The following SPRED1 variants were observed in gnomAD, a reference collection of about 807,000 sequenced individuals.
SPRED1 encodes sprouty-related, EVH1 domain-containing protein 1.
Under a neutral mutation model 52.3 loss-of-function variants are expected in SPRED1, and 18 were observed. That is an observed-to-expected ratio of 0.34 (90% CI 0.24 to 0.51). SPRED1 has a LOEUF of 0.51. Among genes scored for constraint, SPRED1 ranks in the 20% least tolerant of loss-of-function variants. The pLI is 0.97. For synonymous variants in SPRED1, 155 were observed against 179.7 expected, an observed-to-expected ratio of 0.86 and a Z score of 1.10; for missense variants, 485 against 551.0, an observed-to-expected ratio of 0.88 and a Z score of 1.20.
At chr15:38,291,473 G>A (rs547599093) in intron 1 of SPRED1, among the ~76,000 whole-genome samples, 1 of 152,344 alleles carries the variant, frequency 6.6e-6, no homozygotes, top group East Asian at 1.9e-4. Flanking sequence ...TCGGGGCTCT[G>A]ACCCCACATT....
intron 2 of SPRED1, among the ~76,000 whole-genome samples, chr15:38,300,371 C>A (rs910021468): frequency 5.9e-5 from 9 of 152,098 alleles, no homozygotes; most frequent in African/African-American, 2.2e-4. Flanking sequence ...AAAATAGAGC[C>A]TTGAAAATAA....
At chr15:38,264,758 G>A (rs960110021) in intron 1 of SPRED1, among the ~76,000 whole-genome samples, 11 of 152,108 alleles carry the variant, frequency 7.2e-5, no homozygotes, top group African/African-American at 2.7e-4. Flanking sequence ...TTTGGAATTG[G>A]AGGTTGAAGA....
chr15:38,295,621 TTTTG>T (rs762587763), intron 1 of SPRED1, among the ~76,000 whole-genome samples: 11 of 152,160 alleles, frequency 7.2e-5, no homozygotes, highest in Non-Finnish European at 1.6e-4. Context: ...TGCTTGTTAA[TTTTG>T]TTTTCCTGTT....
intron 1 of SPRED1, among the ~76,000 whole-genome samples, chr15:38,265,826 C>T (rs991146619): frequency 6.6e-6 from 1 of 151,852 alleles, no homozygotes; most frequent in Non-Finnish European, 1.5e-5. Flanking sequence ...AATCTATTTT[C>T]GTGGGAGAGA....
chr15:38,278,826 C>CTTTTTTT (rs1199715229), intron 1 of SPRED1, among the ~76,000 whole-genome samples: 5 of 39,908 alleles, frequency 1.3e-4, no homozygotes, highest in South Asian at 1.2e-3. Flanking sequence ...CCTAACTACA[C>CTTTTTTT]TGTTTTTTTT....
Position 38,266,675 on chromosome 15 carries a change from C to T in SPRED1, c.32+13458C>T, listed in dbSNP as rs894278807. ...ACAAACAAACAAACAAACAAACAAACAGGATATTCTTCAACTTTGTATTAT... is the reference window on the plus strand; with the variant it reads ...ACAAACAAACAAACAAACAAACAAATAGGATATTCTTCAACTTTGTATTAT... On this transcript the variant is annotated intron_variant, in intron 1 of 6. Coordinates refer to ENST00000299084, the MANE Select transcript of SPRED1 (RefSeq NM_152594.3). Among the ~76,000 whole-genome samples the T allele has an allele frequency of 8.2e-4, 124 of 151,174 alleles. 1 individual carries two copies. The highest frequency in any genetic ancestry group is 1.6e-3 in the Admixed American group (25 of 15,198).
chr15:38,346,403 TCTTA>T (rs1896137030), intron 5 of SPRED1, among the ~76,000 whole-genome samples: 1 of 152,182 alleles, frequency 6.6e-6, no homozygotes, highest in Admixed American at 6.5e-5. Context: ...ACTCAGTTTC[TCTTA>T]CTTTCACGGG....
At chr15:38,263,582 G>A (rs989264168) in intron 1 of SPRED1, among the ~76,000 whole-genome samples, 2 of 152,186 alleles carry the variant, frequency 1.3e-5, no homozygotes, top group Non-Finnish European at 2.9e-5. Flanking sequence ...AAGGGAAAAA[G>A]GAGTATTGAG....
chr15:38,344,299 G>A (rs1249347759), intron 5 of SPRED1, among the ~76,000 whole-genome samples: 1 of 152,160 alleles, frequency 6.6e-6, no homozygotes, highest in African/African-American at 2.4e-5. Flanking sequence ...GTAACACAGG[G>A]ATGTTATGAT....
intron 1 of SPRED1, among the ~76,000 whole-genome samples, chr15:38,280,726 C>T (rs1894669458): frequency 6.6e-6 from 1 of 152,104 alleles, no homozygotes; most frequent in Non-Finnish European, 1.5e-5. Context: ...TTTGCCAAAC[C>T]ACAATTTAGA....
chr15:38,309,792 A>T (rs1333505754), intron 2 of SPRED1, among the ~76,000 whole-genome samples: 4 of 152,188 alleles, frequency 2.6e-5, no homozygotes, highest in Admixed American at 2.0e-4. Context: ...TGATACTTAG[A>T]TCAAGGGGTT....
intron 1 of SPRED1, among the ~76,000 whole-genome samples, chr15:38,291,356 C>T (rs1894919104): frequency 6.6e-6 from 1 of 152,170 alleles, no homozygotes; most frequent in Admixed American, 6.5e-5. Context: ...TGTGGCTTTT[C>T]CAGACACATG....
intron 4 of SPRED1, among the ~76,000 whole-genome samples, chr15:38,333,088 A>G (rs1417075538): frequency 6.6e-6 from 1 of 152,174 alleles, no homozygotes; most frequent in Non-Finnish European, 1.5e-5. Flanking sequence ...TCCACATATG[A>G]ATTTTGTGGG....
intron 4 of SPRED1, among the ~76,000 whole-genome samples, chr15:38,337,562 CAATTT>C (rs1352247748): frequency 6.6e-6 from 1 of 151,864 alleles, no homozygotes; most frequent in Non-Finnish European, 1.5e-5. Context: ...ATATTACACA[CAATTT>C]AATAATGAAG....
rs1888610185 is a variant in SPRED1 at position 38,355,977 on chromosome 15, T to G, written c.*4313T>G. Reference sequence around the variant, plus strand: ...AGGTACTGTTTGCCTAGCAGCCAGGTGGTTATAAAAGATTCATATGCTTTG... The same window carrying G: ...AGGTACTGTTTGCCTAGCAGCCAGGGGGTTATAAAAGATTCATATGCTTTG... On this transcript the variant is annotated 3_prime_UTR_variant, in exon 7 of 7. Transcript: ENST00000299084. 6.6e-6 allele frequency: 1 copy of G among 152,150 alleles called. No individual in the cohort carries two copies. Among genetic ancestry groups the G allele is most frequent in the Admixed American group, 6.6e-5 (1 of 15,266 alleles). 9.4% of individuals were successfully genotyped at this position (152,150 alleles called of 1,614,324 possible).
rs772560499 is a variant in SPRED1, at chr15:38,351,711, T to C, written c.*47T>C. On this transcript the variant is annotated 3_prime_UTR_variant, in exon 7 of 7. Transcript: ENST00000299084. ...GCTTAAAATCTTTGTTTCCAGGAAT[T>C]AGCTAACTTGGATTTGTGGAAGCTT... The C allele has an allele frequency of 2.5e-6, 4 of 1,599,446 alleles. No homozygotes were observed. The East Asian group carries it at 6.7e-5, about 27-fold the overall frequency.
rs1429162267 is a variant in SPRED1 at position 38,253,194 on chromosome 15, G to A, written c.9G>A (p.Glu3=). MS[E]ETATSDNDNS... ...ATCACGGTGAGGGAAAGATGAGCGA[G>A]GAGACGGCGACTTCTGACAACGAGT... The change falls in exon 1 of 7, where the codon GAG becomes GAA. Residue 3 remains glutamate (E), a synonymous_variant. Transcript: ENST00000299084. The A allele has an allele frequency of 1.3e-6, 2 of 1,580,954 alleles. No individual in the cohort carries two copies. Among genetic ancestry groups the A allele is most frequent in the Admixed American group, 3.6e-5 (2 of 55,970 alleles).
At chr15:38,327,325 C>T (rs954780160) in intron 4 of SPRED1, among the ~76,000 whole-genome samples, 5 of 152,030 alleles carry the variant, frequency 3.3e-5, no homozygotes, top group South Asian at 4.1e-4. Flanking sequence ...TTTTAAAATA[C>T]GGAAACATTA....
chr15:38,299,416 G>T lies in SPRED1; in HGVS notation c.76G>T (p.Asp26Tyr). 1.2e-6 allele frequency: 2 copies of T among 1,613,972 alleles called. No individual in the cohort carries two copies. The highest frequency in any genetic ancestry group is 1.7e-6 in the Non-Finnish European group (2 of 1,179,926). The change falls in exon 2 of 7, where the codon GAC (aspartate) becomes TAC (tyrosine). Residue 26 changes from aspartate (D) to tyrosine (Y), a missense_variant. Around this residue, in one of 5 missense-constraint regions of SPRED1, gnomAD observed 11 missense variants for 31.5 expected, o/e 0.35. Coordinates refer to ENST00000299084, the MANE Select transcript of SPRED1 (RefSeq NM_152594.3). ...GCGAGCTGTGGTGATGACCCGAGAT[G>T]ACTCAAGTGGTGGATGGTTACCACT... is the stretch of plus-strand genomic sequence containing the variant. ...RVRAVVMTRD[D>Y]SSGGWLPLGG... is the part of the protein sequence containing the mutation.
Sources: allele counts gnomAD v4.1 joint callset (sites outside exome capture counted in the v4.1 genomes callset), GRCh38; gene constraint gnomAD v4.1.1; regional missense constraint gnomAD v4.1.1; transcripts MANE v1.5; gene names NCBI Gene and HGNC (gene_info 2026-07-23, HGNC 2026-07-21).